The following ZNF263 variants were observed in gnomAD, a reference collection of about 807,000 sequenced individuals.
The protein encoded by ZNF263 is zinc finger protein 263, also known as zinc finger protein FPM315.
In ZNF263, 49 loss-of-function variants were observed where a neutral mutation model predicts 63.1. That is an observed-to-expected ratio of 0.78 (90% CI 0.62 to 0.99). The LOEUF is 0.99. Ranked by LOEUF, ZNF263 falls within the 50% of genes least tolerant of loss-of-function variation. ZNF263 has a pLI of 0.00. For missense variants in ZNF263, 872 were observed against 854.8 expected, an observed-to-expected ratio of 1.02 and a Z score of -0.25; for synonymous variants, 352 against 324.2, an observed-to-expected ratio of 1.09 and a Z score of -0.92.
At chr16:3,299,175 T>C (rs764879356) in intron 2 of ZNF263, 4 of 1,586,678 alleles carry the variant, frequency 2.5e-6, no homozygotes, top group Non-Finnish European at 3.4e-6. Context: ...AACTCTCTCT[T>C]ACAGCAGATA....
At position 3,291,115 on chromosome 16, in the gene ZNF263, C is replaced by G; in HGVS notation, c.*557C>G. ...AAGCCACCACGTGCCCTACGATGGC[C>G]TAACAGGAGTGCCCATTGGCAGATT... On this transcript the variant is annotated 3_prime_UTR_variant, in exon 6 of 6. Coordinates refer to ENST00000219069, the MANE Select transcript of ZNF263 (RefSeq NM_005741.5). 2.0e-6 allele frequency: 2 copies of G among 987,492 alleles called. No homozygotes were observed. The highest frequency in any genetic ancestry group is 2.4e-6 in the Non-Finnish European group (2 of 831,234). 61.2% of individuals were successfully genotyped at this position (987,492 alleles called of 1,614,324 possible).
At chr16:3,287,249 T>C (rs907781029) in intron 4 of ZNF263, among the ~76,000 whole-genome samples, 1 of 152,168 alleles carries the variant, frequency 6.6e-6, no homozygotes, top group Non-Finnish European at 1.5e-5. Context: ...TAGCTGGGAT[T>C]ACAGGCATGC....
intron 4 of ZNF263, 99 bp downstream of exon 4, chr16:3,286,248 A>C: frequency 6.8e-7 from 1 of 1,479,758 alleles, no homozygotes; most frequent in Non-Finnish European, 8.9e-7. Context: ...GAGTTTTGCC[A>C]AGAAGCCTCC....
intron 1 of ZNF263, among the ~76,000 whole-genome samples, chr16:3,298,242 A>G (rs1959819404): frequency 6.6e-6 from 1 of 152,236 alleles, no homozygotes; most frequent in Admixed American, 6.5e-5. Flanking sequence ...TTACCAGTTT[A>G]TGTGACCTTT....
chr16:3,290,035 G>T lies in ZNF263; in HGVS notation c.1529G>T (p.Arg510Ile). The T allele has an allele frequency of 6.2e-7, 1 of 1,614,222 alleles. No homozygotes were observed. Among genetic ancestry groups the T allele is most frequent in the East Asian group, 2.2e-5 (1 of 44,894 alleles). The change falls in exon 6 of 6, where the codon AGA becomes ATA. Residue 510 changes from arginine to isoleucine, a missense_variant. Physicochemically the swap from Arg to Ile is moderately conservative, Grantham distance 97 (BLOSUM62 -3). Transcript: ENST00000219069. ...AGTTCCAACCTCCTTCGGCACCAGA[G>T]AATTCACACTGGAGAGCGACCTTAT... ...AHSSNLLRHQ[R>I]IHTGERPYKC...
rs755862314 is a variant in ZNF263 at position 3,283,845 on chromosome 16, A to T, written c.27A>T (p.Glu9Asp). 17 of 1,584,772 alleles carry T rather than the reference A, an allele frequency of 1.1e-5. No individual in the cohort carries two copies. In the Middle Eastern group the frequency reaches 9.0e-4, roughly 84 times the overall value. The stretch of plus-strand genomic sequence containing the variant: ...TGGCGTCGGGCCCGGGCTCCCAGGA[A>T]CGGGAAGGGCTCCTGATAGTGAAGC... MASGPGSQ[E>D]REGLLIVKLE... Residue 9 changes from glutamate (E) to aspartate (D), a missense_variant, in exon 1 of 6, where the codon GAA (glutamate) becomes GAT (aspartate). Physicochemically the swap from Glu to Asp is conservative, Grantham distance 45 (BLOSUM62 2). Coordinates refer to ENST00000219069, the MANE Select transcript of ZNF263 (RefSeq NM_005741.5).
intron 2 of ZNF263, chr16:3,299,732 G>C (rs2150779280): frequency 1.9e-6 from 3 of 1,541,078 alleles, no homozygotes; most frequent in South Asian, 2.6e-5. Flanking sequence ...CAACTGTCCA[G>C]AAGTAACAAT....
intron 1 of ZNF263, 81 bp downstream of exon 1, chr16:3,284,286 G>C (rs1418717770): frequency 2.1e-6 from 3 of 1,457,954 alleles, no homozygotes; most frequent in Non-Finnish European, 1.8e-6. Flanking sequence ...TCGAATTCAA[G>C]TAAATTGCCC....
At chr16:3,300,287 ATC>A in intron 2 of ZNF263, 1 of 1,614,154 alleles carries the variant, frequency 6.2e-7, no homozygotes, top group African/African-American at 1.3e-5. Flanking sequence ...CACCGTGCAA[ATC>A]TCTCTGCAGC....
downstream of ZNF263, among the ~76,000 whole-genome samples, chr16:3,295,324 T>C (rs1230384383): frequency 6.6e-6 from 1 of 152,088 alleles, no homozygotes; most frequent in Non-Finnish European, 1.5e-5. Context: ...CCCGCGGCCG[T>C]CCCGGGACCT....
intron 4 of ZNF263, among the ~76,000 whole-genome samples, chr16:3,287,283 T>G (rs1959402699): frequency 6.6e-6 from 1 of 152,142 alleles, no homozygotes; most frequent in African/African-American, 2.4e-5. Flanking sequence ...GCTAATTTTT[T>G]GTATTTTTAG....
At chr16:3,285,409 G>C (rs1959309186) in intron 2 of ZNF263, among the ~76,000 whole-genome samples, 170 bp downstream of exon 2, 1 of 152,228 alleles carries the variant, frequency 6.6e-6, no homozygotes, top group South Asian at 2.1e-4. Flanking sequence ...TGGGGCTGGG[G>C]GAAGGGAAGG....
intron 1 of ZNF263, 91 bp downstream of exon 1, chr16:3,284,296 C>T: frequency 7.0e-7 from 1 of 1,430,632 alleles, no homozygotes; most frequent in East Asian, 2.5e-5. Flanking sequence ...GTAAATTGCC[C>T]TGAGTAGACC....
At chr16:3,288,327 C>T in intron 4 of ZNF263, 127 bp from the exon 5 acceptor site, 1 of 730,566 alleles carries the variant, frequency 1.4e-6, no homozygotes, top group Non-Finnish European at 2.5e-6. Context: ...GTGTATATTC[C>T]AAGTAACTGC....
chr16:3,300,821 T>G (rs1959919198), intron 2 of ZNF263: 1 of 791,868 alleles, frequency 1.3e-6, no homozygotes, highest in Non-Finnish European at 1.8e-6. Flanking sequence ...CTCAGAAAGC[T>G]GCCAGTTGCA....
At position 3,289,673 on chromosome 16, in the gene ZNF263, C is replaced by T; in HGVS notation, c.1167C>T (p.Asn389=). Residue 389 remains asparagine, a synonymous_variant, in exon 6 of 6, where the codon AAC becomes AAT. Coordinates refer to ENST00000219069, the MANE Select transcript of ZNF263 (RefSeq NM_005741.5). The stretch of plus-strand genomic sequence containing the variant: ...CCTTGTGTGGCAAAAATTTCTCTAA[C>T]AACTCAAACCTAATTAGGCACCAGA... The part of the protein sequence containing the change: ...LCPLCGKNFS[N]NSNLIRHQRI... 1.2e-6 allele frequency: 2 copies of T among 1,614,212 alleles called. No homozygotes were observed. Among genetic ancestry groups the T allele is most frequent in the Non-Finnish European group, 1.7e-6 (2 of 1,180,026 alleles).
At chr16:3,293,865 TGAAA>T (rs1373555464), downstream of ZNF263, among the ~76,000 whole-genome samples, 5 of 152,268 alleles carry the variant, frequency 3.3e-5, no homozygotes, top group African/African-American at 1.2e-4. Flanking sequence ...ATGGCTGTAA[TGAAA>T]GAACTTTTGG....
chr16:3,288,783 T>A (rs1407768491), intron 5 of ZNF263, among the ~76,000 whole-genome samples: 1 of 152,096 alleles, frequency 6.6e-6, no homozygotes, highest in Non-Finnish European at 1.5e-5. Flanking sequence ...GTAGCTGGGA[T>A]TACAGGCATG....
chr16:3,284,278 G>C, intron 1 of ZNF263, 73 bp downstream of exon 1: 1 of 1,453,834 alleles, frequency 6.9e-7, no homozygotes, highest in East Asian at 2.4e-5. Context: ...GCCCCCGGTC[G>C]AATTCAAGTA....
Sources: allele counts gnomAD v4.1 joint callset (sites outside exome capture counted in the v4.1 genomes callset), GRCh38; gene constraint gnomAD v4.1.1; transcripts MANE v1.5; gene names NCBI Gene and HGNC (gene_info 2026-07-23, HGNC 2026-07-21).